Variants in ZCCHC24 observed in about 807,000 individuals in gnomAD.
ZCCHC24 encodes zinc finger CCHC-type containing 24, also known as zinc finger CCHC domain-containing protein 24.
ZCCHC24 carries 10 observed loss-of-function variants against 26.2 expected under a neutral mutation model. The ratio of observed to expected loss-of-function variants is 0.38; its 90% CI spans 0.24 to 0.65. The LOEUF is 0.65. Ranked by LOEUF, ZCCHC24 falls within the 30% of genes least tolerant of loss-of-function variation. The probability of loss-of-function intolerance (pLI) is 0.54; values close to 1 mark genes in which losing one functional copy is unlikely to be tolerated. For missense variants in ZCCHC24, 243 were observed against 329.1 expected (o/e 0.74, Z 2.03); for synonymous variants, 144 against 147.1 (o/e 0.98, Z 0.15).
chr10:79,423,637 A>G (rs1367995816), intron 2 of ZCCHC24, among the ~76,000 whole-genome samples: 1 of 132,056 alleles, frequency 7.6e-6, no homozygotes, highest in Non-Finnish European at 1.6e-5. Flanking sequence ...TGTAAACACA[A>G]ATCTCCAGGC....
intron 2 of ZCCHC24, among the ~76,000 whole-genome samples, chr10:79,424,839 A>G (rs1415441952): frequency 6.6e-6 from 1 of 152,074 alleles, no homozygotes; most frequent in Non-Finnish European, 1.5e-5. Flanking sequence ...GCTTGCTTGG[A>G]AGCCTTCCCC....
At chr10:79,444,324 G>T (rs1329880901) in intron 1 of ZCCHC24, 1 of 1,337,452 alleles carries the variant, frequency 7.5e-7, no homozygotes, top group South Asian at 1.9e-5. Flanking sequence ...TTCAAAAAGG[G>T]CTGGGAGGTG....
chr10:79,392,630 G>A (rs935416975), intron 3 of ZCCHC24, among the ~76,000 whole-genome samples: 14 of 152,216 alleles, frequency 9.2e-5, no homozygotes, highest in African/African-American at 1.9e-4. Context: ...TCCCAGTTGC[G>A]GCCACTGCTG....
intron 2 of ZCCHC24, among the ~76,000 whole-genome samples, chr10:79,403,098 C>G (rs559770345): frequency 6.6e-6 from 1 of 152,224 alleles, no homozygotes; most frequent in African/African-American, 2.4e-5. Context: ...CCACACCAGT[C>G]GCGAACTCCC....
intron 2 of ZCCHC24, among the ~76,000 whole-genome samples, chr10:79,397,044 T>C (rs1382212750): frequency 6.6e-6 from 1 of 152,244 alleles, no homozygotes; most frequent in African/African-American, 2.4e-5. Context: ...TTTCTTCCTT[T>C]AGTAATCATG....
intron 3 of ZCCHC24, among the ~76,000 whole-genome samples, chr10:79,390,317 A>G (rs1216317535): frequency 6.6e-6 from 1 of 152,224 alleles, no homozygotes; most frequent in Non-Finnish European, 1.5e-5. Context: ...GGCTAACTCT[A>G]CATGATAGGG....
At chr10:79,402,013 G>A (rs2132185159) in intron 2 of ZCCHC24, among the ~76,000 whole-genome samples, 1 of 152,326 alleles carries the variant, frequency 6.6e-6, no homozygotes, top group African/African-American at 2.4e-5. Flanking sequence ...AGAAACAGAG[G>A]CCACAGGGGT....
intron 2 of ZCCHC24, among the ~76,000 whole-genome samples, chr10:79,429,223 A>G (rs898307888): frequency 2.0e-5 from 3 of 152,232 alleles, no homozygotes; most frequent in African/African-American, 7.2e-5. Context: ...AAATGTCCAG[A>G]ATAGACAGAT....
At chr10:79,428,402 TGC>T (rs1857065409) in intron 2 of ZCCHC24, among the ~76,000 whole-genome samples, 1 of 76,516 alleles carries the variant, frequency 1.3e-5, no homozygotes, top group African/African-American at 6.1e-5. Context: ...ATTTCAGTTT[TGC>T]AAGATAAATT....
chr10:79,423,591 A>AT (rs373110200), intron 2 of ZCCHC24, among the ~76,000 whole-genome samples: 9 of 49,656 alleles, frequency 1.8e-4, no homozygotes, highest in Admixed American at 4.3e-4. Context: ...CTATATATAT[A>AT]TATATATATA....
intron 2 of ZCCHC24, among the ~76,000 whole-genome samples, chr10:79,408,198 G>T (rs1009691783): frequency 1.3e-5 from 2 of 152,208 alleles, no homozygotes; most frequent in Non-Finnish European, 2.9e-5. Context: ...TGGCAAGATT[G>T]GGTGCCCAGA....
chr10:79,432,041 C>T (rs1857137876), intron 2 of ZCCHC24, among the ~76,000 whole-genome samples: 1 of 152,206 alleles, frequency 6.6e-6, no homozygotes, highest in Non-Finnish European at 1.5e-5. Context: ...CTGAAGCCTT[C>T]CCCCAGCCCT....
intron 3 of ZCCHC24, among the ~76,000 whole-genome samples, chr10:79,392,064 C>A (rs1222612166): frequency 6.6e-6 from 1 of 151,964 alleles, no homozygotes; most frequent in East Asian, 1.9e-4. Flanking sequence ...CCACCGGTCC[C>A]GTCTAGCTTC....
At chr10:79,398,567 G>A (rs1478757348) in intron 2 of ZCCHC24, among the ~76,000 whole-genome samples, 2 of 131,642 alleles carry the variant, frequency 1.5e-5, no homozygotes, top group African/African-American at 6.9e-5. Context: ...GAGATGGGAG[G>A]GAAACCTGGG....
At chr10:79,402,245 C>A (rs1301507790) in intron 2 of ZCCHC24, among the ~76,000 whole-genome samples, 1 of 152,168 alleles carries the variant, frequency 6.6e-6, no homozygotes, top group Non-Finnish European at 1.5e-5. Flanking sequence ...CTCTCCCACG[C>A]CTGTCTTAGA....
At chr10:79,430,866 G>A (rs1037153260) in intron 2 of ZCCHC24, among the ~76,000 whole-genome samples, 1 of 152,154 alleles carries the variant, frequency 6.6e-6, no homozygotes, top group South Asian at 2.1e-4. Flanking sequence ...GGGCTCCAGA[G>A]CCCCTGTTGA....
intron 2 of ZCCHC24, among the ~76,000 whole-genome samples, chr10:79,422,015 G>A (rs1204461889): frequency 1.3e-5 from 2 of 152,174 alleles, no homozygotes; most frequent in East Asian, 1.9e-4. Context: ...TGATGGGTCT[G>A]AACTAATCAA....
chr10:79,428,409 TAAATTTCAGTTTTGCAA>T (rs1564639458), intron 2 of ZCCHC24, among the ~76,000 whole-genome samples: 5 of 29,936 alleles, frequency 1.7e-4, no homozygotes, highest in Non-Finnish European at 3.8e-4. Flanking sequence ...TTTTGCAAGA[TAAATTTCAGTTTTGCAA>T]GATAAATTTC....
At chr10:79,414,110 G>A (rs1466796574) in intron 2 of ZCCHC24, among the ~76,000 whole-genome samples, 1 of 152,214 alleles carries the variant, frequency 6.6e-6, no homozygotes, top group African/African-American at 2.4e-5. Context: ...GAGGGGGCAC[G>A]TGTCCCAGCT....
Sources: allele counts gnomAD v4.1 joint callset (sites outside exome capture counted in the v4.1 genomes callset), GRCh38; gene constraint gnomAD v4.1.1; transcripts MANE v1.5; gene names NCBI Gene and HGNC (gene_info 2026-07-23, HGNC 2026-07-21).